NXPE2: variants seen among roughly 807,000 people sequenced by gnomAD.
NXPE2 encodes the protein neurexophilin and PC-esterase domain family member 2.
NXPE2 carries 34 observed loss-of-function variants against 34.4 expected under a neutral mutation model. The ratio of observed to expected loss-of-function variants is 0.99; its 90% confidence interval spans 0.75 to 1.31. The LOEUF (loss-of-function observed/expected upper bound fraction) is 1.31. Among genes scored for constraint, NXPE2 ranks in the 40% most tolerant of loss-of-function variants. NXPE2 has a pLI of 0.00. For missense variants in NXPE2, 649 were observed against 672.5 expected, an observed-to-expected ratio of 0.97 and a Z score of 0.39; for synonymous variants, 235 against 231.3, an observed-to-expected ratio of 1.02 and a Z score of -0.15.
chr11:114,777,632 C>T, the NXPE2 span, among the ~76,000 whole-genome samples: 1 of 152,100 alleles, frequency 6.6e-6, no homozygotes, highest in African/African-American at 2.4e-5. Flanking sequence ...GATCAGTTTT[C>T]CTCCAACTAT....
chr11:114,689,414 G>A (rs539589960), intron 2 of NXPE2, among the ~76,000 whole-genome samples: 1 of 152,002 alleles, frequency 6.6e-6, no homozygotes, highest in Non-Finnish European at 1.5e-5. Flanking sequence ...TCTTGGTGTT[G>A]CTTTCTATTT....
the NXPE2 span, among the ~76,000 whole-genome samples, chr11:114,774,336 G>A: frequency 1.1e-4 from 16 of 152,316 alleles, 1 homozygote; most frequent in South Asian, 2.7e-3. Flanking sequence ...TCCATCTAAA[G>A]TCCTGCAAAA....
chr11:114,583,090 G>T, the NXPE2 span: 1 of 1,477,272 alleles, frequency 6.8e-7, no homozygotes, highest in Non-Finnish European at 9.1e-7. Context: ...ATGACAGGAA[G>T]TGTAACATGC....
chr11:114,471,311 GT>G, the NXPE2 span, among the ~76,000 whole-genome samples: 11,500 of 152,068 alleles, frequency 0.076, 603 homozygotes, highest in East Asian at 0.23. Flanking sequence ...TTTGTATATG[GT>G]GTGAGGTATG....
At chr11:114,801,394 G>GGAAAGAAGACTTAATGAAGGAAGA in the NXPE2 span, among the ~76,000 whole-genome samples, 1 of 152,292 alleles carries the variant, frequency 6.6e-6, no homozygotes, top group Non-Finnish European at 1.5e-5. Flanking sequence ...ACAGTTTCAA[G>GGAAAGAAGACTTAATGAAGGAAGA]GAAAGAAGAC....
the NXPE2 span, among the ~76,000 whole-genome samples, chr11:114,636,315 T>C: frequency 1.3e-5 from 2 of 152,080 alleles, no homozygotes; most frequent in South Asian, 2.1e-4. Context: ...TGATATCCCC[T>C]TTATCATTTT....
the NXPE2 span, among the ~76,000 whole-genome samples, chr11:114,586,747 A>T: frequency 2.0e-5 from 3 of 152,174 alleles, no homozygotes; most frequent in Non-Finnish European, 4.4e-5. Context: ...TGGCAACAGG[A>T]TCTGCAAGCT....
At chr11:114,658,594 G>A in the NXPE2 span, among the ~76,000 whole-genome samples, 2 of 152,160 alleles carry the variant, frequency 1.3e-5, no homozygotes, top group African/African-American at 4.8e-5. Flanking sequence ...TGGCAGAAGG[G>A]CAGCAAACTC....
the NXPE2 span, among the ~76,000 whole-genome samples, chr11:114,653,199 TTTA>T: frequency 3.3e-5 from 5 of 152,172 alleles, no homozygotes; most frequent in African/African-American, 1.2e-4. Flanking sequence ...AAACAAAACA[TTTA>T]TTATTCTAGA....
chr11:114,811,070 C>T, the NXPE2 span, among the ~76,000 whole-genome samples: 1 of 151,218 alleles, frequency 6.6e-6, no homozygotes, highest in African/African-American at 2.4e-5. Context: ...TCATTCTCAG[C>T]AAACTATCAC....
At chr11:114,704,180 C>T (rs1341055106) in intron 4 of NXPE2, 128 bp downstream of exon 4, 1 of 684,470 alleles carries the variant, frequency 1.5e-6, no homozygotes, top group Admixed American at 2.8e-5. Flanking sequence ...ACATCAACCA[C>T]CTTGGGTTTT....
the NXPE2 span, among the ~76,000 whole-genome samples, chr11:114,720,037 A>G: frequency 6.6e-6 from 1 of 152,202 alleles, no homozygotes; most frequent in Non-Finnish European, 1.5e-5. Flanking sequence ...GACCTCTGCA[A>G]TGATCAAGTC....
downstream of NXPE2, chr11:114,707,351 C>T (rs1407281596): frequency 2.8e-6 from 1 of 363,594 alleles, no homozygotes; most frequent in Non-Finnish European, 5.5e-6. Flanking sequence ...CCACCTCGGC[C>T]TCCCAAAGTG....
chr11:114,523,013 C>T, the NXPE2 span: 3 of 1,613,686 alleles, frequency 1.9e-6, no homozygotes, highest in South Asian at 3.3e-5. Context: ...TGTTGTTATC[C>T]ATTTTCCTTG....
At chr11:114,547,746 G>T in the NXPE2 span, among the ~76,000 whole-genome samples, 1 of 152,034 alleles carries the variant, frequency 6.6e-6, no homozygotes, top group Non-Finnish European at 1.5e-5. Flanking sequence ...AAAAGGAAAA[G>T]AAATGATGTA....
At chr11:114,750,328 A>G in the NXPE2 span, among the ~76,000 whole-genome samples, 1 of 152,090 alleles carries the variant, frequency 6.6e-6, no homozygotes, top group Non-Finnish European at 1.5e-5. Flanking sequence ...GACAAGTTTT[A>G]CCCTTAATAT....
the NXPE2 span, chr11:114,570,682 C>T: frequency 1.1e-5 from 3 of 284,776 alleles, no homozygotes; most frequent in East Asian, 1.9e-4. Context: ...TCTTGACTTC[C>T]CATTGGTGAA....
the NXPE2 span, among the ~76,000 whole-genome samples, chr11:114,490,343 T>C: frequency 6.6e-6 from 1 of 152,034 alleles, no homozygotes; most frequent in Non-Finnish European, 1.5e-5. Context: ...CTTCACAGAA[T>C]TGGAAAAAAC....
chr11:114,517,673 A>C, the NXPE2 span, among the ~76,000 whole-genome samples: 1 of 152,216 alleles, frequency 6.6e-6, no homozygotes, highest in Admixed American at 6.5e-5. Flanking sequence ...AGCTGGGATC[A>C]CAGCTGTGCA....
Sources: gnomAD v4.1 joint callset for allele counts (sites outside exome capture counted in the v4.1 genomes callset) on GRCh38, gnomAD v4.1.1 for gene constraint, MANE v1.5 for transcripts, NCBI Gene and HGNC (gene_info 2026-07-23, HGNC 2026-07-21) for gene names.